The following HKDC1 variants were observed in gnomAD, a reference collection of about 807,000 sequenced individuals.
The protein encoded by HKDC1 is hexokinase HKDC1.
A neutral mutation model predicts 96.6 loss-of-function variants in HKDC1; 66 were observed. The observed-to-expected ratio is 0.68, with a 90% confidence interval of 0.56 to 0.84. HKDC1 has a LOEUF of 0.84. Ranked by LOEUF, HKDC1 falls within the 40% of genes least tolerant of loss-of-function variation. The pLI, the probability that HKDC1 is intolerant of heterozygous loss-of-function variation, is 0.00. For synonymous variants in HKDC1, 466 were observed against 473.1 expected, an observed-to-expected ratio of 0.98 and a Z score of 0.20; for missense variants, 1,211 against 1,208.1, an observed-to-expected ratio of 1.00 and a Z score of -0.04.
At chr10:69,261,989 G>A in intron 16 of HKDC1, 1 of 350,526 alleles carries the variant, frequency 2.9e-6, no homozygotes, top group Non-Finnish European at 5.8e-6. Flanking sequence ...ATTAGATTCA[G>A]TAGTGAATTC....
intron 1 of HKDC1, among the ~76,000 whole-genome samples, chr10:69,222,271 C>T (rs1564722064): frequency 6.6e-6 from 1 of 152,228 alleles, no homozygotes; most frequent in African/African-American, 2.4e-5. Context: ...TTACAGCCCT[C>T]AGGTACTTGG....
chr10:69,224,237 G>T (rs953148329), intron 1 of HKDC1, among the ~76,000 whole-genome samples: 1 of 151,578 alleles, frequency 6.6e-6, no homozygotes, highest in African/African-American at 2.4e-5. Context: ...TAAAAGTATT[G>T]TTATGTTAAA....
intron 1 of HKDC1, 27 bp from the exon 2 acceptor site, chr10:69,227,180 C>T (rs1843171989): frequency 6.2e-7 from 1 of 1,613,288 alleles, no homozygotes; most frequent in Non-Finnish European, 8.5e-7. Context: ...CCCAGCAGCA[C>T]CCCTTGGTGG....
chr10:69,226,020 G>A (rs1381607748), intron 1 of HKDC1: 1 of 152,114 alleles, frequency 6.6e-6, no homozygotes, highest in African/African-American at 2.4e-5. Flanking sequence ...ATAAAAACAG[G>A]GCTGGAAAGG....
In HKDC1 at chr10:69,228,603, C is replaced by A. The variant is rs537897637; in HGVS notation, c.226+1234C>A. ...GCTACTGGCCTGGAGTGGTGGCTCA[C>A]GCCTGTAATCCCAGAACTTTGGGAG... On this transcript the variant is annotated intron_variant, in intron 2 of 17. Transcript: ENST00000354624. Among the ~76,000 whole-genome samples, 6 of 152,292 alleles carry A rather than the reference C, an allele frequency of 3.9e-5. No homozygotes were observed. In the South Asian group the frequency reaches 1.0e-3, roughly 26 times the overall value.
intron 4 of HKDC1, among the ~76,000 whole-genome samples, chr10:69,233,790 T>C (rs1052288930): frequency 1.3e-5 from 2 of 149,892 alleles, no homozygotes; most frequent in East Asian, 3.9e-4. Context: ...CCCAGCCACT[T>C]GGGAGGCTGA....
chr10:69,249,544 G>A (rs917170794), intron 10 of HKDC1, among the ~76,000 whole-genome samples: 5 of 152,148 alleles, frequency 3.3e-5, no homozygotes, highest in African/African-American at 1.2e-4. Context: ...CACCCAGGCT[G>A]GAGTGCAGTA....
intron 10 of HKDC1, among the ~76,000 whole-genome samples, chr10:69,249,273 AATAATG>A (rs1166625588): frequency 6.6e-6 from 1 of 152,190 alleles, no homozygotes; most frequent in Non-Finnish European, 1.5e-5. Flanking sequence ...CTCTTCCGGA[AATAATG>A]ACCTTAGTAA....
chr10:69,264,197 C>CTG (rs34401681), intron 16 of HKDC1, among the ~76,000 whole-genome samples: 29,648 of 138,994 alleles, frequency 0.21, 3,343 homozygotes, highest in Non-Finnish European at 0.27. Flanking sequence ...AGATTTCCTT[C>CTG]TGTGTGTGTG....
At chr10:69,224,570 A>G (rs1366138764) in intron 1 of HKDC1, among the ~76,000 whole-genome samples, 1 of 152,238 alleles carries the variant, frequency 6.6e-6, no homozygotes, top group East Asian at 1.9e-4. Flanking sequence ...GGCGTGAGCC[A>G]CTGCGCCCGG....
At chr10:69,247,614 A>C (rs527932119) in intron 9 of HKDC1, 21 bp downstream of exon 9, 1 of 1,590,766 alleles carries the variant, frequency 6.3e-7, no homozygotes, top group African/African-American at 1.3e-5. Context: ...CCTGCCATCC[A>C]CGCCCCCACA....
chr10:69,249,656 C>T (rs1009778120), intron 10 of HKDC1, among the ~76,000 whole-genome samples: 7 of 152,116 alleles, frequency 4.6e-5, no homozygotes, highest in Admixed American at 1.3e-4. Context: ...GCACCACACC[C>T]GGATAATTAA....
chr10:69,241,251 TG>T (rs1843452985), intron 6 of HKDC1, among the ~76,000 whole-genome samples: 1 of 151,662 alleles, frequency 6.6e-6, no homozygotes, highest in South Asian at 2.1e-4. Context: ...GGCTTGGAGA[TG>T]GGAAGGGGTC....
Position 69,239,146 on chromosome 10 carries a change from T to C in HKDC1, c.591+9T>C. On this transcript the variant is annotated intron_variant, in intron 5 of 17. Coordinates refer to ENST00000354624, the MANE Select transcript of HKDC1 (RefSeq NM_025130.4). ...CCATGAGAAGACACAAGGTGAGGAA[T>C]TCACCTCGGTGTGGGAGGCTCTCCC... 1 of 1,604,216 alleles carries C rather than the reference T, an allele frequency of 6.2e-7. No homozygotes were observed. The highest frequency in any genetic ancestry group is 8.5e-7 in the Non-Finnish European group (1 of 1,171,324).
At chr10:69,248,866 ATTC>A in intron 10 of HKDC1, 138 bp downstream of exon 10, 1 of 782,320 alleles carries the variant, frequency 1.3e-6, no homozygotes, top group Non-Finnish European at 2.0e-6. Flanking sequence ...GAAGGCTAGT[ATTC>A]TTTCTAAATC....
In HKDC1 at chr10:69,250,452, G is replaced by T. The variant is rs368243665; in HGVS notation, c.1716+17G>T. 1.9e-6 allele frequency: 3 copies of T among 1,611,896 alleles called. No individual in the cohort carries two copies. Among genetic ancestry groups the T allele is most frequent in the East Asian group, 2.2e-5 (1 of 44,830 alleles). ...GGTGAGGAGGTAAGTGCCAGGCAAG[G>T]CCTTTGGGCTCCGAGGTGCCAGCCT... On this transcript the variant is annotated intron_variant, in intron 11 of 17. Transcript: ENST00000354624.
intron 12 of HKDC1, among the ~76,000 whole-genome samples, chr10:69,255,483 C>T (rs1264797008): frequency 1.3e-5 from 2 of 152,252 alleles, no homozygotes; most frequent in African/African-American, 4.8e-5. Flanking sequence ...CCTTTCCTGT[C>T]CCAGAGCTTC....
chr10:69,242,553 A>C (rs1053960182), intron 6 of HKDC1, among the ~76,000 whole-genome samples: 4 of 152,110 alleles, frequency 2.6e-5, no homozygotes, highest in African/African-American at 9.7e-5. Flanking sequence ...CCATCACCAC[A>C]ATCCGATTTT....
intron 2 of HKDC1, among the ~76,000 whole-genome samples, chr10:69,231,755 T>C (rs1025822252): frequency 1.3e-5 from 2 of 152,208 alleles, no homozygotes; most frequent in Non-Finnish European, 2.9e-5. Flanking sequence ...GAGTAGATGC[T>C]CAGTAAATGT....
Sources: allele counts gnomAD v4.1 joint callset (sites outside exome capture counted in the v4.1 genomes callset), GRCh38; gene constraint gnomAD v4.1.1; transcripts MANE v1.5; gene names NCBI Gene and HGNC (gene_info 2026-07-23, HGNC 2026-07-21).